Variants in ARHGAP8 observed in about 807,000 individuals in gnomAD.
ARHGAP8 encodes the protein rho GTPase-activating protein 8.
A neutral mutation model predicts 46.1 loss-of-function variants in ARHGAP8; 62 were observed. That is an observed-to-expected ratio of 1.34 (90% CI 1.10 to 1.66). ARHGAP8 has a LOEUF of 1.66. Ranked by LOEUF, ARHGAP8 falls within the 40% of genes most tolerant of loss-of-function variation. The pLI is 0.00. For synonymous variants in ARHGAP8, 375 were observed against 243.1 expected, an observed-to-expected ratio of 1.54 and a Z score of -5.05; for missense variants, 923 against 568.4, an observed-to-expected ratio of 1.62 and a Z score of -6.34.
At chr22:44,834,266 A>G (rs1291381325) in intron 7 of ARHGAP8, among the ~76,000 whole-genome samples, 1 of 152,058 alleles carries the variant, frequency 6.6e-6, no homozygotes, top group Non-Finnish European at 1.5e-5. Context: ...TTGCAATGTA[A>G]GCATCTATGG....
intron 11 of ARHGAP8, among the ~76,000 whole-genome samples, chr22:44,860,706 T>G (rs1008040734): frequency 6.6e-6 from 1 of 152,134 alleles, no homozygotes; most frequent in African/African-American, 2.4e-5. Flanking sequence ...GGGCTTAGTG[T>G]GCTCTCCCCC....
intron 11 of ARHGAP8, among the ~76,000 whole-genome samples, chr22:44,860,332 G>C (rs2349859): frequency 6.6e-6 from 1 of 151,934 alleles, no homozygotes; most frequent in Non-Finnish European, 1.5e-5. Context: ...AAGGTGTGGC[G>C]GGCTGTGCTC....
At chr22:44,774,265 A>G (rs993010781) in intron 1 of ARHGAP8, among the ~76,000 whole-genome samples, 26 of 152,192 alleles carry the variant, frequency 1.7e-4, no homozygotes, top group Non-Finnish European at 3.2e-4. Flanking sequence ...AGTCTTGGTG[A>G]AAGGAAGAAC....
At chr22:44,816,803 C>CAAAAAAAAAAA (rs1183457228) in intron 5 of ARHGAP8, among the ~76,000 whole-genome samples, 1 of 66,240 alleles carries the variant, frequency 1.5e-5, no homozygotes, top group African/African-American at 5.4e-5. Flanking sequence ...GACCCTGTCT[C>CAAAAAAAAAAA]AAAAAAAAAA....
intron 10 of ARHGAP8, among the ~76,000 whole-genome samples, chr22:44,859,095 T>C (rs1387209422): frequency 6.6e-6 from 1 of 152,140 alleles, no homozygotes; most frequent in Non-Finnish European, 1.5e-5. Flanking sequence ...ACCACTCCCA[T>C]TTATAAAGTG....
intron 2 of ARHGAP8, among the ~76,000 whole-genome samples, chr22:44,796,962 T>C (rs974109149): frequency 1.3e-5 from 2 of 152,124 alleles, no homozygotes; most frequent in Admixed American, 6.5e-5. Context: ...GTTGCAGACA[T>C]AGATGATGGG....
At chr22:44,842,492 G>A (rs1415139632) in intron 7 of ARHGAP8, among the ~76,000 whole-genome samples, 1 of 152,212 alleles carries the variant, frequency 6.6e-6, no homozygotes, top group African/African-American at 2.4e-5. Flanking sequence ...TGGTTGTCGT[G>A]GAATCACCCT....
At chr22:44,779,186 G>A (rs968871970) in intron 1 of ARHGAP8, among the ~76,000 whole-genome samples, 12 of 146,914 alleles carry the variant, frequency 8.2e-5, no homozygotes, top group South Asian at 4.4e-4. Flanking sequence ...TGCAACCTCC[G>A]CCTCTTGGGT....
At chr22:44,858,593 A>T (rs1481471542) in intron 10 of ARHGAP8, among the ~76,000 whole-genome samples, 1 of 125,476 alleles carries the variant, frequency 8.0e-6, no homozygotes, top group Non-Finnish European at 1.6e-5. Flanking sequence ...CTGGTCTCGC[A>T]CTCCTGACCT....
At chr22:44,848,631 A>G (rs771344633) in intron 9 of ARHGAP8, among the ~76,000 whole-genome samples, 37 of 152,342 alleles carry the variant, frequency 2.4e-4, no homozygotes, top group Non-Finnish European at 3.1e-4. Context: ...CATCTCTGCC[A>G]CAGACCTGGC....
At chr22:44,785,515 T>A (rs1490087149) in intron 1 of ARHGAP8, among the ~76,000 whole-genome samples, 1 of 151,998 alleles carries the variant, frequency 6.6e-6, no homozygotes, top group South Asian at 2.1e-4. Context: ...ATCTCCTGAG[T>A]CATTGGATTC....
At chr22:44,774,060 ATG>A (rs1263998296) in intron 1 of ARHGAP8, among the ~76,000 whole-genome samples, 1 of 152,166 alleles carries the variant, frequency 6.6e-6, no homozygotes, top group African/African-American at 2.4e-5. Context: ...AAACTAAGAA[ATG>A]GAGACACGGG....
chr22:44,788,963 G>C (rs1173654196), intron 2 of ARHGAP8, among the ~76,000 whole-genome samples: 1 of 152,144 alleles, frequency 6.6e-6, no homozygotes, highest in South Asian at 2.1e-4. Context: ...ATGTATTTCA[G>C]TTAGGTTAAG....
intron 11 of ARHGAP8, among the ~76,000 whole-genome samples, chr22:44,861,170 T>G (rs1349480306): frequency 1.3e-5 from 2 of 152,066 alleles, no homozygotes; most frequent in African/African-American, 2.4e-5. Context: ...TGGGGTTTCG[T>G]CACATTGGCC....
chr22:44,861,017 A>AT (rs1270199209), intron 11 of ARHGAP8, among the ~76,000 whole-genome samples: 2 of 152,002 alleles, frequency 1.3e-5, no homozygotes, highest in Admixed American at 6.6e-5. Context: ...TCTCAAAAAA[A>AT]TTTTTTGAGA....
chr22:44,791,742 G>A (rs1927704214), intron 2 of ARHGAP8, among the ~76,000 whole-genome samples: 1 of 152,020 alleles, frequency 6.6e-6, no homozygotes, highest in Non-Finnish European at 1.5e-5. Context: ...AGCTTCTTGA[G>A]AAACTTAACC....
At chr22:44,823,400 C>T (rs1930294522) in intron 6 of ARHGAP8, among the ~76,000 whole-genome samples, 2 of 152,116 alleles carry the variant, frequency 1.3e-5, no homozygotes, top group African/African-American at 2.4e-5. Context: ...AAGCACATTT[C>T]CAGCAGAGGG....
chr22:44,801,867 G>A, intron 2 of ARHGAP8: 1 of 593,832 alleles, frequency 1.7e-6, no homozygotes, highest in Non-Finnish European at 3.0e-6. Context: ...ATTATTTCCA[G>A]CGTACGGCTG....
chr22:44,757,562 C>CCA (rs140475333), intron 1 of ARHGAP8, among the ~76,000 whole-genome samples: 2,332 of 152,314 alleles, frequency 0.015, 62 homozygotes, highest in African/African-American at 0.054. Flanking sequence ...CAGGCGTGAG[C>CCA]CACCATGCCT....
Sources: gnomAD v4.1 joint callset for allele counts (sites outside exome capture counted in the v4.1 genomes callset) on GRCh38, gnomAD v4.1.1 for gene constraint, MANE v1.5 for transcripts, NCBI Gene and HGNC (gene_info 2026-07-23, HGNC 2026-07-21) for gene names.